Variants in TNFRSF19 observed in about 807,000 individuals in gnomAD.
The protein encoded by TNFRSF19 is TNF receptor superfamily member 19.
In TNFRSF19, 27 loss-of-function variants were observed where a neutral mutation model predicts 46.4. The ratio of observed to expected loss-of-function variants is 0.58; its 90% CI spans 0.43 to 0.80. The LOEUF (loss-of-function observed/expected upper bound fraction) is 0.80. Among genes scored for constraint, TNFRSF19 ranks in the 30% least tolerant of loss-of-function variants. The probability of loss-of-function intolerance (pLI) is 0.00; values close to 1 mark genes in which losing one functional copy is unlikely to be tolerated. For synonymous variants in TNFRSF19, 204 were observed against 205.0 expected, an observed-to-expected ratio of 1.00 and a Z score of 0.04; for missense variants, 511 against 530.8, an observed-to-expected ratio of 0.96 and a Z score of 0.37.
At chr13:23,646,699 T>C (rs765994401) in intron 5 of TNFRSF19, among the ~76,000 whole-genome samples, 3 of 152,254 alleles carry the variant, frequency 2.0e-5, no homozygotes, top group Non-Finnish European at 2.9e-5. Context: ...GATGGACGAC[T>C]GGGTTGTTTC....
In TNFRSF19 at chr13:23,587,044, A is replaced by G. The variant is rs115782146; in HGVS notation, c.-34-3106A>G. Reference sequence around the variant, plus strand: ...GGTTTTGGCAAACGGTAAAAACCCCAGCATCCAGACCCATGGTACATAATC... The same window carrying G: ...GGTTTTGGCAAACGGTAAAAACCCCGGCATCCAGACCCATGGTACATAATC... On this transcript the variant is annotated intron_variant, in intron 1 of 9. Transcript: ENST00000248484. Among the ~76,000 whole-genome samples, 1,059 of 152,230 alleles carry G rather than the reference A, an allele frequency of 7.0e-3. 17 individuals are homozygous for G. The highest frequency in any genetic ancestry group is 0.025 in the African/African-American group (1,019 of 41,540).
At position 23,651,893 on chromosome 13, in the gene TNFRSF19, T is replaced by TAAAAAAA. The variant is rs34023907; in HGVS notation, c.446-7140_446-7134dup. Among the ~76,000 whole-genome samples the TAAAAAAA allele has an allele frequency of 2.2e-3, 22 of 9,958 alleles. 1 individual carries two copies. Among genetic ancestry groups the TAAAAAAA allele is most frequent in the East Asian group, 3.5e-3 (1 of 282 alleles). The allele number at this position is 9,958 out of a possible 152,430, so 6.5% of individuals were successfully genotyped here. ...AATGGTTGGAAAGAACATAACATGC[T>TAAAAAAA]AAAAAAAAAAAAAAAAAAAAAAAGC... On this transcript the variant is annotated intron_variant, in intron 5 of 9. Coordinates refer to ENST00000248484, the MANE Select transcript of TNFRSF19 (RefSeq NM_148957.4).
intron 1 of TNFRSF19, chr13:23,579,230 A>T (rs111526441): frequency 0.05 from 7,660 of 152,236 alleles, 260 homozygotes; most frequent in Non-Finnish European, 0.077. Flanking sequence ...AGTCCGGCTG[A>T]CGCAGTGTGC....
At chr13:23,617,806 T>C (rs1373893665) in intron 4 of TNFRSF19, among the ~76,000 whole-genome samples, 1 of 152,248 alleles carries the variant, frequency 6.6e-6, no homozygotes, top group Non-Finnish European at 1.5e-5. Context: ...GGATTAAGTT[T>C]ATTCAGGCAA....
At chr13:23,585,822 T>C (rs989085602) in intron 1 of TNFRSF19, among the ~76,000 whole-genome samples, 19 of 152,182 alleles carry the variant, frequency 1.2e-4, no homozygotes, top group African/African-American at 4.6e-4. Flanking sequence ...ACTAAAGATA[T>C]GTCCTTCCGT....
At chr13:23,656,742 C>T (rs1346737006) in intron 5 of TNFRSF19, among the ~76,000 whole-genome samples, 1 of 152,164 alleles carries the variant, frequency 6.6e-6, no homozygotes, top group Non-Finnish European at 1.5e-5. Flanking sequence ...TAAATGACAG[C>T]TTCCCACAGC....
Position 23,602,041 on chromosome 13 carries a change from C to T in TNFRSF19, c.180+8586C>T, listed in dbSNP as rs186152303. ...GCCCAACTATATCAATAATCATTTT[C>T]AGTGTCAGTGATCTGATGTACCAAT... On this transcript the variant is annotated intron_variant, in intron 3 of 9. Transcript: ENST00000248484. Among the ~76,000 whole-genome samples, 175 of 152,206 alleles carry T rather than the reference C, an allele frequency of 1.1e-3. 1 individual carries two copies. Among genetic ancestry groups the T allele is most frequent in the African/African-American group, 3.8e-3 (159 of 41,546 alleles).
At chr13:23,637,962 G>A (rs909638182) in intron 5 of TNFRSF19, among the ~76,000 whole-genome samples, 3 of 152,256 alleles carry the variant, frequency 2.0e-5, no homozygotes, top group Non-Finnish European at 4.4e-5. Context: ...GGAACTGGGA[G>A]GGCGGAGGCC....
At chr13:23,620,073 C>T (rs1221670545) in intron 4 of TNFRSF19, among the ~76,000 whole-genome samples, 1 of 152,092 alleles carries the variant, frequency 6.6e-6, no homozygotes, top group Non-Finnish European at 1.5e-5. Flanking sequence ...CTTTAAAATC[C>T]CATTTTTTTC....
At chr13:23,657,854 C>G (rs929311636) in intron 5 of TNFRSF19, among the ~76,000 whole-genome samples, 6 of 152,062 alleles carry the variant, frequency 3.9e-5, no homozygotes, top group South Asian at 2.1e-4. Context: ...CACCTTGCCT[C>G]TCTTTTACGT....
intron 7 of TNFRSF19, among the ~76,000 whole-genome samples, chr13:23,666,858 A>G (rs1951643581): frequency 6.6e-6 from 1 of 152,138 alleles, no homozygotes. Flanking sequence ...CGGGCTTGCA[A>G]TTGCATCTCA....
Position 23,592,428 on chromosome 13 carries a change from G to A in TNFRSF19, c.70-917G>A, listed in dbSNP as rs1879380910. Among the ~76,000 whole-genome samples the A allele has an allele frequency of 1.3e-5, 2 of 152,142 alleles. 1 individual carries two copies. Among genetic ancestry groups the A allele is most frequent in the East Asian group, 3.8e-4 (2 of 5,198 alleles). ...GCAGATAAACATACTTTTCTAGGAT[G>A]ATATCTTACAAGGAGAACTTGTTGT... is the stretch of plus-strand genomic sequence containing the variant. On this transcript the variant is annotated intron_variant, in intron 2 of 9. Coordinates refer to ENST00000248484, the MANE Select transcript of TNFRSF19 (RefSeq NM_148957.4).
In TNFRSF19 at chr13:23,668,812, C is replaced by A; in HGVS notation, c.960C>A (p.Ile320=). ...AGAATCCCATGGGTGGTGACAACAT[C>A]TCTTTTTGTGACTCTTATCCTGAAC... is the stretch of plus-strand genomic sequence containing the variant. The part of the protein sequence containing the change: ...LMQNPMGGDN[I]SFCDSYPELT... Residue 320 remains isoleucine, a synonymous_variant, in exon 9 of 10, where the codon ATC becomes ATA. Transcript: ENST00000248484. 6.2e-7 allele frequency: 1 copy of A among 1,614,254 alleles called. No homozygotes were observed. The highest frequency in any genetic ancestry group is 2.2e-5 in the East Asian group (1 of 44,882).
At chr13:23,576,907 G>A (rs1404714779) in intron 1 of TNFRSF19, among the ~76,000 whole-genome samples, 1 of 152,098 alleles carries the variant, frequency 6.6e-6, no homozygotes, top group African/African-American at 2.4e-5. Flanking sequence ...TCTAACAGCT[G>A]GAGTCCAGAG....
intron 2 of TNFRSF19, among the ~76,000 whole-genome samples, chr13:23,590,870 T>C (rs1345379153): frequency 6.6e-6 from 1 of 152,244 alleles, no homozygotes; most frequent in Non-Finnish European, 1.5e-5. Flanking sequence ...TTGTAACATA[T>C]TCTAGAAGCT....
At chr13:23,663,377 G>A (rs552560449) in intron 7 of TNFRSF19, among the ~76,000 whole-genome samples, 65 of 152,288 alleles carry the variant, frequency 4.3e-4, no homozygotes, top group African/African-American at 1.4e-3. Flanking sequence ...GCTTGATCGT[G>A]GTGGATTAGC....
intron 4 of TNFRSF19, among the ~76,000 whole-genome samples, chr13:23,621,254 T>TA (rs1881635421): frequency 1.3e-5 from 2 of 152,214 alleles, no homozygotes; most frequent in Non-Finnish European, 2.9e-5. Context: ...GGGTGTTCCC[T>TA]AGTAACCATG....
chr13:23,613,750 G>C (rs1054374857), intron 3 of TNFRSF19, among the ~76,000 whole-genome samples: 54 of 152,268 alleles, frequency 3.5e-4, no homozygotes, highest in African/African-American at 1.3e-3. Flanking sequence ...GGGAGTGGGA[G>C]GCTCTCTCCT....
chr13:23,663,666 T>C (rs541395519), intron 7 of TNFRSF19, among the ~76,000 whole-genome samples: 1 of 152,268 alleles, frequency 6.6e-6, no homozygotes, highest in South Asian at 2.1e-4. Context: ...GTAGGCTATT[T>C]ACTACTGATT....
Sources: allele counts gnomAD v4.1 joint callset (sites outside exome capture counted in the v4.1 genomes callset), GRCh38; gene constraint gnomAD v4.1.1; transcripts MANE v1.5; gene names NCBI Gene and HGNC (gene_info 2026-07-23, HGNC 2026-07-21).